Variants in RELL1 observed in about 807,000 individuals in gnomAD.
RELL1 encodes RELT-like protein 1.
In RELL1, 10 loss-of-function variants were observed where a neutral mutation model predicts 23.0. The observed-to-expected ratio is 0.43, with a 90% CI of 0.27 to 0.74. The LOEUF is 0.74. Among genes scored for constraint, RELL1 ranks in the 30% least tolerant of loss-of-function variants. The pLI is 0.19. For synonymous variants in RELL1, 146 were observed against 146.8 expected, an observed-to-expected ratio of 0.99 and a Z score of 0.04; for missense variants, 315 against 364.4, an observed-to-expected ratio of 0.86 and a Z score of 1.10.
downstream of RELL1, among the ~76,000 whole-genome samples, chr4:37,607,579 C>CT (rs59939694): frequency 2.5e-3 from 287 of 113,928 alleles, 2 homozygotes; most frequent in African/African-American, 8.7e-3. Flanking sequence ...TCTTTCTTTT[C>CT]TTTTTTTTTT....
chr4:37,615,978 GA>G (rs200813458), intron 6 of RELL1, among the ~76,000 whole-genome samples: 6 of 145,908 alleles, frequency 4.1e-5, no homozygotes, highest in Non-Finnish European at 6.0e-5. Flanking sequence ...GGATTCTCTA[GA>G]AAAAAAAAAG....
At position 37,665,747 on chromosome 4, in the gene RELL1, G is replaced by A. The variant is rs80225555; in HGVS notation, c.89-16247C>T. Among the ~76,000 whole-genome samples, 732 of 152,332 alleles carry A rather than the reference G, an allele frequency of 4.8e-3. 8 individuals are homozygous for A. Among genetic ancestry groups the A allele is most frequent in the African/African-American group, 0.017 (702 of 41,578 alleles). The stretch of plus-strand genomic sequence containing the variant: ...CGGGAAGAAATGGGGTCAAAGGGGT[G>A]CTCCTTTAGGAAATCAGTGAATTCC... On this transcript the variant is annotated intron_variant, in intron 1 of 6. Transcript: ENST00000454158.
chr4:37,660,344 C>A (rs140385137), intron 1 of RELL1, among the ~76,000 whole-genome samples: 2 of 152,222 alleles, frequency 1.3e-5, no homozygotes, highest in African/African-American at 4.8e-5. Context: ...TATTCCCCAA[C>A]CTTCTGCAGC....
intron 1 of RELL1, among the ~76,000 whole-genome samples, chr4:37,684,647 G>A (rs544701692): frequency 3.5e-4 from 53 of 152,208 alleles, no homozygotes; most frequent in African/African-American, 1.1e-3. Flanking sequence ...GCAATCAAAC[G>A]CAGGATGAAA....
intron 3 of RELL1, among the ~76,000 whole-genome samples, chr4:37,640,110 G>A (rs1261105009): frequency 1.3e-5 from 2 of 152,006 alleles, no homozygotes; most frequent in East Asian, 1.9e-4. Flanking sequence ...TCTTCTTAGG[G>A]GACACATTGC....
chr4:37,588,667 T>C (rs1718437467), downstream of RELL1: 1 of 555,494 alleles, frequency 1.8e-6, no homozygotes, highest in Admixed American at 3.0e-5. Flanking sequence ...GAAGCGGTGA[T>C]GGAAATGGGG....
intron 6 of RELL1, among the ~76,000 whole-genome samples, chr4:37,630,450 C>A (rs1222839957): frequency 6.7e-6 from 1 of 149,158 alleles, no homozygotes; most frequent in Non-Finnish European, 1.5e-5. Flanking sequence ...CTGCAAGCTC[C>A]GCCTCCCGGG....
intron 6 of RELL1, among the ~76,000 whole-genome samples, chr4:37,603,767 G>C (rs911899673): frequency 2.0e-5 from 3 of 152,186 alleles, no homozygotes; most frequent in African/African-American, 7.2e-5. Flanking sequence ...AGGAAAGGGA[G>C]GGAATGTGCA....
intron 6 of RELL1, among the ~76,000 whole-genome samples, chr4:37,597,366 A>AT (rs1420903166): frequency 6.6e-6 from 1 of 152,192 alleles, no homozygotes; most frequent in African/African-American, 2.4e-5. Flanking sequence ...GCTAATTAGA[A>AT]TACTTGTTTA....
Sources: allele counts gnomAD v4.1 joint callset (sites outside exome capture counted in the v4.1 genomes callset), GRCh38; gene constraint gnomAD v4.1.1; transcripts MANE v1.5; gene names NCBI Gene and HGNC (gene_info 2026-07-23, HGNC 2026-07-21).